Variants in CLPTM1 observed in about 807,000 individuals in gnomAD.
CLPTM1 encodes the protein CLPTM1 regulator of GABA type A receptor forward trafficking.
CLPTM1 carries 21 observed loss-of-function variants against 77.3 expected under a neutral mutation model. The ratio of observed to expected loss-of-function variants is 0.27; its 90% CI spans 0.19 to 0.39. The LOEUF is 0.39. CLPTM1 is among the 10% of genes least tolerant of loss of function. The probability of loss-of-function intolerance (pLI) is 1.00; values close to 1 mark genes in which losing one functional copy is unlikely to be tolerated. For synonymous variants in CLPTM1, 373 were observed against 381.0 expected (o/e 0.98, Z 0.24); for missense variants, 642 against 921.2 (o/e 0.70, Z 3.92).
chr19:44,975,092 C>T (rs1970785532), intron 4 of CLPTM1, among the ~76,000 whole-genome samples: 3 of 152,164 alleles, frequency 2.0e-5, no homozygotes, highest in African/African-American at 2.4e-5. Flanking sequence ...AAGGCCACAT[C>T]GCATGAGAGA....
At chr19:44,972,445 T>G (rs1377928691) in intron 2 of CLPTM1, among the ~76,000 whole-genome samples, 2 of 151,860 alleles carry the variant, frequency 1.3e-5, no homozygotes, top group African/African-American at 4.8e-5. Context: ...GAGACAGGGT[T>G]TCACCATGTT....
At chr19:44,956,269 GCTGA>G (rs1373634835) in intron 1 of CLPTM1, among the ~76,000 whole-genome samples, 1 of 152,162 alleles carries the variant, frequency 6.6e-6, no homozygotes, top group Admixed American at 6.6e-5. Flanking sequence ...GGAGAATGAA[GCTGA>G]CTCTCTGTGT....
intron 2 of CLPTM1, among the ~76,000 whole-genome samples, chr19:44,966,201 G>T (rs1400244532): frequency 6.6e-6 from 1 of 152,158 alleles, no homozygotes; most frequent in Non-Finnish European, 1.5e-5. Context: ...CACGAGGTTA[G>T]GAGATCGAGA....
At chr19:44,955,034 T>A, upstream of CLPTM1, 1 of 1,535,354 alleles carries the variant, frequency 6.5e-7, no homozygotes, top group Non-Finnish European at 8.7e-7. Flanking sequence ...ACGCGAAGAA[T>A]CGGCAGGGAG....
At chr19:44,961,899 G>C in intron 1 of CLPTM1, 64 bp from the exon 2 acceptor site, 2 of 1,071,382 alleles carry the variant, frequency 1.9e-6, no homozygotes, top group Non-Finnish European at 2.7e-6. Context: ...CTTCATGCAT[G>C]ATGGTGTCTA....
chr19:44,955,005 GA>G (rs1970434701), upstream of CLPTM1: 4 of 1,535,584 alleles, frequency 2.6e-6, no homozygotes, highest in Admixed American at 3.9e-5. Context: ...TAAAGCTCAA[GA>G]AACATGGAAC....
rs753085119 is a variant in CLPTM1 at position 44,991,597 on chromosome 19, G to T, written c.1555+224G>T. On this transcript the variant is annotated intron_variant, in intron 12 of 13. Transcript: ENST00000337392. The surrounding 1 kb of genome is among the most constrained non-coding windows in gnomAD (Gnocchi z 5.4). ...GTCCTCATTCTCAGGGGGCCTTTGT[G>T]TCTTGGGAACAAGTAAACAAGTAGG... 2.0e-5 allele frequency among the ~76,000 whole-genome samples: 3 copies of T among 152,176 alleles called. No homozygotes were observed. The highest frequency in any genetic ancestry group is 7.2e-5 in the African/African-American group (3 of 41,444).
chr19:44,961,811 G>T, intron 1 of CLPTM1, 152 bp from the exon 2 acceptor site: 2 of 491,680 alleles, frequency 4.1e-6, no homozygotes, highest in Non-Finnish European at 3.6e-6. Flanking sequence ...GAAGAGGACC[G>T]CACCTTCCCA....
At chr19:44,984,942 G>C (rs2122318057) in intron 5 of CLPTM1, among the ~76,000 whole-genome samples, 1 of 152,288 alleles carries the variant, frequency 6.6e-6, no homozygotes, top group East Asian at 1.9e-4. Flanking sequence ...GCCCGCCCCA[G>C]CCTCCCAAAG....
intron 1 of CLPTM1, among the ~76,000 whole-genome samples, chr19:44,959,204 T>C (rs146789640): frequency 1.3e-5 from 2 of 152,144 alleles, no homozygotes; most frequent in Admixed American, 6.5e-5. Context: ...GGCTTTTCTG[T>C]GGCTGTATTT....
intron 2 of CLPTM1, among the ~76,000 whole-genome samples, chr19:44,972,865 A>G (rs961864571): frequency 6.6e-6 from 1 of 151,904 alleles, no homozygotes; most frequent in Non-Finnish European, 1.5e-5. Context: ...AGCTACCCCC[A>G]CACACTGGCA....
At chr19:44,954,736 G>A, upstream of CLPTM1, 3 of 1,300,530 alleles carry the variant, frequency 2.3e-6, no homozygotes, top group Admixed American at 3.5e-5. Flanking sequence ...ATGCGTGCTA[G>A]GCAGGGCAGT....
chr19:44,959,850 A>T (rs150264939), intron 1 of CLPTM1, among the ~76,000 whole-genome samples: 28 of 152,306 alleles, frequency 1.8e-4, no homozygotes, highest in African/African-American at 6.7e-4. Context: ...TTCTGCTGAT[A>T]GCCATCCTAA....
Position 44,973,120 on chromosome 19 carries a change from C to T in CLPTM1, c.219C>T (p.Phe73=). 6.2e-7 allele frequency: 1 copy of T among 1,613,962 alleles called. No homozygotes were observed. The highest frequency in any genetic ancestry group is 8.5e-7 in the Non-Finnish European group (1 of 1,179,892). Residue 73 remains phenylalanine, a synonymous_variant, in exon 3 of 14, where the codon TTC becomes TTT. Transcript: ENST00000337392. ...TCATCTGGGCCATCAGCAGTTGGTTCCGCCGAGGGCCGGCCCCTCAGGACC... is the reference window on the plus strand; with the variant it reads ...TCATCTGGGCCATCAGCAGTTGGTTTCGCCGAGGGCCGGCCCCTCAGGACC... ...IFIIWAISSW[F]RRGPAPQDQA...
At chr19:44,957,343 CTG>C (rs1233494759) in intron 1 of CLPTM1, among the ~76,000 whole-genome samples, 2 of 152,240 alleles carry the variant, frequency 1.3e-5, no homozygotes, top group Non-Finnish European at 2.9e-5. Flanking sequence ...GTTTCACTGT[CTG>C]GGGACTGGGA....
intron 2 of CLPTM1, among the ~76,000 whole-genome samples, chr19:44,972,279 G>A (rs550704705): frequency 1.3e-3 from 185 of 145,444 alleles, no homozygotes; most frequent in African/African-American, 4.5e-3. Flanking sequence ...ATGGAGTCTC[G>A]CTCTGTTGCC....
chr19:44,992,849 G>A lies in CLPTM1; in HGVS notation c.1962G>A (p.Glu654=). The A allele has an allele frequency of 6.2e-7, 1 of 1,613,780 alleles. No individual in the cohort carries two copies. The highest frequency in any genetic ancestry group is 8.5e-7 in the Non-Finnish European group (1 of 1,179,866). Residue 654 remains glutamate, a synonymous_variant, in exon 14 of 14, where the codon GAG becomes GAA. Transcript: ENST00000337392. The surrounding 1 kb of genome is among the most constrained non-coding windows in gnomAD (Gnocchi z 7.7). ...KPTQGASSAS[E]PQEAPPKPAE... The stretch of plus-strand genomic sequence containing the variant: ...CCCAGGGGGCCAGCTCTGCCAGCGA[G>A]CCCCAGGAAGCCCCTCCAAAGCCAG...
At position 44,990,830 on chromosome 19, in the gene CLPTM1, G is replaced by A. The variant is rs1412071965; in HGVS notation, c.1324-20G>A. ...GGGAGCCAGCGTAGCAACTGACCAT[G>A]GCACCCACCTCATCCACAGCTGGAC... On this transcript the variant is annotated intron_variant, in intron 10 of 13. Transcript: ENST00000337392. This position sits in a 1 kb window ranked among gnomAD's most constrained non-coding sequence, Gnocchi z 4.8. The A allele has an allele frequency of 6.3e-7, 1 of 1,599,388 alleles. No homozygotes were observed. The highest frequency in any genetic ancestry group is 8.6e-7 in the Non-Finnish European group (1 of 1,167,382).
chr19:44,982,789 C>T (rs1166014751), intron 5 of CLPTM1, among the ~76,000 whole-genome samples: 1 of 152,134 alleles, frequency 6.6e-6, no homozygotes, highest in Admixed American at 6.5e-5. Context: ...GAGGATTGGC[C>T]AGGTGGCTCA....
Sources: gnomAD v4.1 joint callset for allele counts (sites outside exome capture counted in the v4.1 genomes callset) on GRCh38, gnomAD v4.1.1 for gene constraint, Gnocchi (gnomAD v3.1) non-coding constraint, MANE v1.5 for transcripts, NCBI Gene and HGNC (gene_info 2026-07-23, HGNC 2026-07-21) for gene names.